The following ZNF292 variants were observed in gnomAD, a reference collection of about 807,000 sequenced individuals.
ZNF292 encodes the protein zinc finger protein 292, also known as 16 zinc-finger domain protein.
ZNF292 carries 26 observed loss-of-function variants against 217.9 expected under a neutral mutation model. The ratio of observed to expected loss-of-function variants is 0.12; its 90% CI spans 0.09 to 0.17. The LOEUF (loss-of-function observed/expected upper bound fraction) is 0.17, where lower values mean the gene tolerates loss of function less well. Ranked by LOEUF, ZNF292 falls within the 10% of genes least tolerant of loss-of-function variation. ZNF292 has a pLI of 1.00. For missense variants in ZNF292, 2,904 were observed against 3,175.2 expected, an observed-to-expected ratio of 0.91 and a Z score of 2.05; for synonymous variants, 1,257 against 1,124.1, an observed-to-expected ratio of 1.12 and a Z score of -2.37.
chr6:87,202,261 T>G (rs1772120167), intron 1 of ZNF292, among the ~76,000 whole-genome samples: 1 of 152,210 alleles, frequency 6.6e-6, no homozygotes, highest in Admixed American at 6.5e-5. Context: ...GAAAAGATCT[T>G]ATAAATACTT....
intron 5 of ZNF292, among the ~76,000 whole-genome samples, chr6:87,238,720 T>C (rs1241860892): frequency 6.6e-6 from 1 of 151,700 alleles, no homozygotes; most frequent in Non-Finnish European, 1.5e-5. Context: ...TCTTGGGTGT[T>C]TCTCGCAGAG....
At chr6:87,213,616 A>G (rs1309175556) in intron 1 of ZNF292, 1 of 152,726 alleles carries the variant, frequency 6.5e-6, no homozygotes, top group East Asian at 1.9e-4. Context: ...AGAGCAGGTG[A>G]CCAGGGGTGA....
intron 4 of ZNF292, among the ~76,000 whole-genome samples, chr6:87,229,837 C>G (rs571843818): frequency 2.9e-4 from 44 of 152,316 alleles, no homozygotes; most frequent in African/African-American, 1.0e-3. Flanking sequence ...ACAGGGAAGA[C>G]AATCAAGTGT....
chr6:87,249,084 T>C (rs1202771436), intron 7 of ZNF292, among the ~76,000 whole-genome samples: 1 of 152,232 alleles, frequency 6.6e-6, no homozygotes, highest in Non-Finnish European at 1.5e-5. Context: ...TGAATAGCTT[T>C]GGAAGTTGGC....
Position 87,258,659 on chromosome 6 carries a change from G to T in ZNF292, c.5030G>T (p.Cys1677Phe). 1 of 1,613,502 alleles carries T rather than the reference G, an allele frequency of 6.2e-7. No homozygotes were observed. Among genetic ancestry groups the T allele is most frequent in the Non-Finnish European group, 8.5e-7 (1 of 1,179,710 alleles). Residue 1677 changes from cysteine to phenylalanine, a missense_variant, in exon 8 of 8, where the codon TGT becomes TTT. By Grantham distance (205) the Cys-to-Phe change is radical. This residue lies in a region of ZNF292 where 622 missense variants were observed against 573.1 expected (regional missense o/e 1.09). Transcript: ENST00000369577. ...CTTCATTCAAATGTAATTCCAACTTGTGAACCTCAGAGTTTGGTGGAAAAT... is the reference window on the plus strand; with the variant it reads ...CTTCATTCAAATGTAATTCCAACTTTTGAACCTCAGAGTTTGGTGGAAAAT... Reference protein sequence around the residue: ...TNLHSNVIPTCEPQSLVENLT... With the variant: ...TNLHSNVIPTFEPQSLVENLT...
In ZNF292 at chr6:87,256,117, G is replaced by A; in HGVS notation, c.2488G>A (p.Asp830Asn). The change falls in exon 8 of 8, where the codon GAT (aspartate) becomes AAT (asparagine). Residue 830 changes from aspartate to asparagine, a missense_variant. Transcript: ENST00000369577. ...GGGTGAGCTGGAAAAGCATCTGGATGATCACAGTACTCCTCCTGAAAAAGT... is the reference window on the plus strand; with the variant it reads ...GGGTGAGCTGGAAAAGCATCTGGATAATCACAGTACTCCTCCTGAAAAAGT... ...SQGELEKHLD[D>N]HSTPPEKVLP... is the part of the protein sequence containing the mutation. The A allele has an allele frequency of 6.2e-7, 1 of 1,613,598 alleles. No individual in the cohort carries two copies. The highest frequency in any genetic ancestry group is 1.3e-5 in the African/African-American group (1 of 75,042).
intron 5 of ZNF292, among the ~76,000 whole-genome samples, chr6:87,234,590 C>T (rs1198129844): frequency 2.6e-5 from 4 of 151,344 alleles, no homozygotes; most frequent in Non-Finnish European, 4.4e-5. Flanking sequence ...TTAAAGAAAA[C>T]CTATAGTAGG....
chr6:87,228,541 C>T (rs1317043737), intron 4 of ZNF292, among the ~76,000 whole-genome samples: 2 of 152,090 alleles, frequency 1.3e-5, no homozygotes, highest in East Asian at 1.9e-4. Flanking sequence ...ATGGTTTCTT[C>T]TACGAGTTCT....
At position 87,258,906 on chromosome 6, in the gene ZNF292, T is replaced by C. The variant is rs767548026; in HGVS notation, c.5277T>C (p.Leu1759=). The change falls in exon 8 of 8, where the codon CTT becomes CTC. Residue 1759 remains leucine, a synonymous_variant. Transcript: ENST00000369577. ...DNVIQNFEKT[L]EIIKTAMNSQ... Reference sequence around the variant, plus strand: ...TTATACAAAACTTTGAAAAGACTCTTGAAATTATTAAAACTGCTATGAATT... The same window carrying C: ...TTATACAAAACTTTGAAAAGACTCTCGAAATTATTAAAACTGCTATGAATT... 176 of 1,607,400 alleles carry C rather than the reference T, an allele frequency of 1.1e-4. No individual in the cohort carries two copies. Among genetic ancestry groups the C allele is most frequent in the Non-Finnish European group, 1.5e-4 (172 of 1,176,374 alleles).
intron 1 of ZNF292, among the ~76,000 whole-genome samples, chr6:87,206,117 G>A (rs963953109): frequency 3.9e-5 from 6 of 152,126 alleles, no homozygotes; most frequent in Non-Finnish European, 8.8e-5. Flanking sequence ...TAATCTGGAC[G>A]TATCTTCTCA....
chr6:87,176,675 A>C (rs955466442), intron 1 of ZNF292, among the ~76,000 whole-genome samples: 2 of 152,038 alleles, frequency 1.3e-5, no homozygotes, highest in Admixed American at 1.3e-4. Flanking sequence ...CCAACTCATC[A>C]TTATGTCTGA....
At chr6:87,160,585 ATGTT>A (rs1237960526) in intron 1 of ZNF292, among the ~76,000 whole-genome samples, 1 of 148,662 alleles carries the variant, frequency 6.7e-6, no homozygotes, top group African/African-American at 2.6e-5. Flanking sequence ...ATAAAAAAAT[ATGTT>A]TGTGTGTATA....
At chr6:87,249,020 A>G (rs978303488) in intron 7 of ZNF292, among the ~76,000 whole-genome samples, 4 of 152,228 alleles carry the variant, frequency 2.6e-5, no homozygotes, top group East Asian at 1.9e-4. Context: ...GGGTAACACT[A>G]TTCCAGAGAG....
Position 87,258,524 on chromosome 6 carries a change from A to G in ZNF292, c.4895A>G (p.Lys1632Arg), listed in dbSNP as rs751433789. 6 of 1,613,708 alleles carry G rather than the reference A, an allele frequency of 3.7e-6. No homozygotes were observed. The South Asian group carries it at 5.5e-5, about 15-fold the overall frequency. ...GGAAACAGTGCTTCTAAGAGAAGAA[A>G]GAAAGTTGCTCCTCCACTAATTGCA... The part of the protein sequence containing the change: ...KKGNSASKRR[K>R]KVAPPLIAPN... The change falls in exon 8 of 8, where the codon AAG becomes AGG. Residue 1632 changes from lysine (K) to arginine (R), a missense_variant. By Grantham distance (26) the Lys-to-Arg change is conservative. Around this residue, in one of 15 missense-constraint regions of ZNF292, gnomAD observed 622 missense variants for 573.1 expected, o/e 1.09. Coordinates refer to ENST00000369577, the MANE Select transcript of ZNF292 (RefSeq NM_015021.3).
chr6:87,195,576 T>A (rs944093761), intron 1 of ZNF292, among the ~76,000 whole-genome samples: 1 of 152,182 alleles, frequency 6.6e-6, no homozygotes, highest in South Asian at 2.1e-4. Context: ...CTGTTGGAAA[T>A]CTTATAGTTT....
At chr6:87,177,788 T>C (rs1771349918) in intron 1 of ZNF292, among the ~76,000 whole-genome samples, 1 of 152,242 alleles carries the variant, frequency 6.6e-6, no homozygotes, top group South Asian at 2.1e-4. Flanking sequence ...TTGTAAGGAT[T>C]AAATGAGGCA....
intron 1 of ZNF292, chr6:87,174,411 G>A (rs557893616): frequency 6.6e-5 from 10 of 152,316 alleles, no homozygotes; most frequent in African/African-American, 2.4e-4. Context: ...AGTCTTACCT[G>A]ATACCTTGAT....
chr6:87,189,228 TAAATA>T (rs1405136762), intron 1 of ZNF292, among the ~76,000 whole-genome samples: 1 of 151,910 alleles, frequency 6.6e-6, no homozygotes, highest in East Asian at 1.9e-4. Context: ...TAAAAATAAA[TAAATA>T]AAATAAAAAA....
At chr6:87,199,904 C>T (rs1474303027) in intron 1 of ZNF292, among the ~76,000 whole-genome samples, 5 of 152,012 alleles carry the variant, frequency 3.3e-5, no homozygotes, top group Non-Finnish European at 5.9e-5. Flanking sequence ...GGTTTCCTAC[C>T]ATTGTATTTC....
Sources: gnomAD v4.1 joint callset for allele counts (sites outside exome capture counted in the v4.1 genomes callset) on GRCh38, gnomAD v4.1.1 for gene constraint, gnomAD v4.1.1 regional missense constraint, MANE v1.5 for transcripts, NCBI Gene and HGNC (gene_info 2026-07-23, HGNC 2026-07-21) for gene names.